MED1: variants seen among roughly 807,000 people sequenced by gnomAD.
MED1 encodes mediator complex subunit 1, also known as mediator of RNA polymerase II transcription subunit 1.
MED1 carries 17 observed loss-of-function variants against 121.3 expected under a neutral mutation model. That is an observed-to-expected ratio of 0.14 (90% confidence interval 0.10 to 0.21). The LOEUF (loss-of-function observed/expected upper bound fraction) is 0.21. Among genes scored for constraint, MED1 ranks in the 10% least tolerant of loss-of-function variants. MED1 has a pLI of 1.00. For synonymous variants in MED1, 661 were observed against 694.4 expected, an observed-to-expected ratio of 0.95 and a Z score of 0.76; for missense variants, 1,558 against 1,919.4, an observed-to-expected ratio of 0.81 and a Z score of 3.52.
In MED1 at chr17:39,405,464, T is replaced by C. The variant is rs1405306783; in HGVS notation, c.*2011A>G. On this transcript the variant is annotated 3_prime_UTR_variant, in exon 17 of 17. Coordinates refer to ENST00000300651, the MANE Select transcript of MED1 (RefSeq NM_004774.4). ...AAATTTTAAAAACCACATAAATTTT[T>C]TTTTTTTTCCTGCAGAAACCAACGG... The C allele has an allele frequency of 7.1e-7, 1 of 1,400,458 alleles. No homozygotes were observed. Among genetic ancestry groups the C allele is most frequent in the Non-Finnish European group, 9.3e-7 (1 of 1,076,522 alleles). 86.8% of individuals were successfully genotyped at this position (1,400,458 alleles called of 1,614,324 possible).
chr17:39,441,695 G>T (rs1325000870), intron 3 of MED1, among the ~76,000 whole-genome samples: 4 of 152,146 alleles, frequency 2.6e-5, no homozygotes, highest in South Asian at 4.1e-4. Context: ...TCTTGAACCC[G>T]GTGGGGGCGC....
At chr17:39,437,289 G>A (rs2048629228) in intron 6 of MED1, among the ~76,000 whole-genome samples, 1 of 152,112 alleles carries the variant, frequency 6.6e-6, no homozygotes, top group African/African-American at 2.4e-5. Flanking sequence ...GGCTGGCTAG[G>A]CTGGTCTTGA....
chr17:39,434,011 T>C (rs1049680556), intron 7 of MED1, among the ~76,000 whole-genome samples: 1 of 152,188 alleles, frequency 6.6e-6, no homozygotes, highest in Non-Finnish European at 1.5e-5. Context: ...GAAATTGGAA[T>C]GTTGGACATC....
chr17:39,439,267 T>G (rs2048649664), intron 5 of MED1, 74 bp from the exon 6 acceptor site: 2 of 1,158,742 alleles, frequency 1.7e-6, no homozygotes, highest in South Asian at 1.4e-5. Context: ...AGCCTTTCTC[T>G]TTTTCTATAG....
intron 3 of MED1, among the ~76,000 whole-genome samples, chr17:39,442,643 G>A (rs796662681): frequency 3.2e-4 from 46 of 145,850 alleles, no homozygotes; most frequent in African/African-American, 1.1e-3. Flanking sequence ...GCTGTGGCTC[G>A]CGCCTGTGAT....
intron 13 of MED1, 78 bp from the exon 14 acceptor site, chr17:39,419,996 A>G: frequency 3.8e-6 from 5 of 1,326,664 alleles, no homozygotes; most frequent in Non-Finnish European, 4.2e-6. Flanking sequence ...GAAAAAACCT[A>G]CTACTCAAAA....
chr17:39,422,482 T>G (rs1567644558), intron 13 of MED1, among the ~76,000 whole-genome samples: 4 of 145,020 alleles, frequency 2.8e-5, no homozygotes. Flanking sequence ...TTTTTTTTTT[T>G]TTTTTTTTTT....
Position 39,404,904 on chromosome 17 carries a change from C to A in MED1, c.*2571G>T, listed in dbSNP as rs899166647. ...CCGCTAAAATACTTCTGTTTTAAGA[C>A]ACATTGATATTGAACCTGAAATCTT... On this transcript the variant is annotated 3_prime_UTR_variant, in exon 17 of 17. Coordinates refer to ENST00000300651, the MANE Select transcript of MED1 (RefSeq NM_004774.4). 4 of 130,832 alleles carry A rather than the reference C, an allele frequency of 3.1e-5. No individual in the cohort carries two copies. Among genetic ancestry groups the A allele is most frequent in the Non-Finnish European group, 4.7e-5 (3 of 64,490 alleles). 8.1% of individuals were successfully genotyped at this position (130,832 alleles called of 1,614,324 possible).
intron 9 of MED1, 120 bp from the exon 10 acceptor site, chr17:39,427,910 A>G: frequency 1.6e-6 from 1 of 637,248 alleles, no homozygotes; most frequent in Non-Finnish European, 2.6e-6. Flanking sequence ...ATGAAGAGTC[A>G]TGCTCCAAAA....
Position 39,440,639 on chromosome 17 carries a change from T to A in MED1, c.250A>T (p.Ile84Leu). The change falls in exon 4 of 17, where the codon ATA becomes TTA. Residue 84 changes from isoleucine to leucine, a missense_variant. Physicochemically the swap from Ile to Leu is conservative, Grantham distance 5 (BLOSUM62 2). Around this residue, in one of 5 missense-constraint regions of MED1, gnomAD observed 443 missense variants for 532.4 expected, o/e 0.83. Transcript: ENST00000300651. The surrounding 1 kb of genome is among the most constrained non-coding windows in gnomAD (Gnocchi z 4.1). ...LPAMTDRLESIARQNGLGSHL... is the reference protein window; with the variant it reads ...LPAMTDRLESLARQNGLGSHL... ...ACTACTTACCCATTCTGTCTTGCTA[T>A]GGACTCCAAACGATCAGTCATTGCT... 1.2e-6 allele frequency: 2 copies of A among 1,613,722 alleles called. No homozygotes were observed. The highest frequency in any genetic ancestry group is 1.7e-6 in the Non-Finnish European group (2 of 1,179,776).
intron 16 of MED1, 87 bp downstream of exon 16, chr17:39,414,939 A>T: frequency 2.6e-6 from 3 of 1,166,588 alleles, no homozygotes; most frequent in South Asian, 1.2e-5. Context: ...AAGTGTGGGG[A>T]TTACAGGCGT....
Position 39,408,785 on chromosome 17 carries a change from A to T in MED1, c.3436T>A (p.Ser1146Thr), listed in dbSNP as rs745975167. The change falls in exon 17 of 17, where the codon TCA becomes ACA. Residue 1146 changes from serine to threonine, a missense_variant. This residue lies in a region of MED1 where 793 missense variants were observed against 898.2 expected (regional missense o/e 0.88). Transcript: ENST00000300651. The surrounding 1 kb of genome is among the most constrained non-coding windows in gnomAD (Gnocchi z 4.7). ...GSSGSSQSKN[S>T]SQSGGKPGSS... Reference sequence around the variant, plus strand: ...CCTGGCTTCCCCCCAGACTGGGATGAATTTTTGGACTGGCTAGATCCAGAA... The same window carrying T: ...CCTGGCTTCCCCCCAGACTGGGATGTATTTTTGGACTGGCTAGATCCAGAA... The T allele has an allele frequency of 3.1e-6, 5 of 1,614,034 alleles. No individual in the cohort carries two copies. The South Asian group carries it at 5.5e-5, about 18-fold the overall frequency.
chr17:39,406,200 T>C lies in MED1; in HGVS notation c.*1275A>G, dbSNP rs973886669. ...TTGGGTTGCTACATAGTAGCAAGGG[T>C]TTATCTTCATGCTCACCTAGCATTC... On this transcript the variant is annotated 3_prime_UTR_variant, in exon 17 of 17. Transcript: ENST00000300651. 2 of 985,400 alleles carry C rather than the reference T, an allele frequency of 2.0e-6. No homozygotes were observed. Among genetic ancestry groups the C allele is most frequent in the African/African-American group, 1.7e-5 (1 of 57,210 alleles). The allele number at this position is 985,400 out of a possible 1,614,324, so 61.0% of individuals were successfully genotyped here. A position where few individuals can be genotyped will look rare whatever the true frequency, so the allele number is the denominator to read the frequency against.
chr17:39,442,599 A>AC (rs2048688695), intron 3 of MED1, among the ~76,000 whole-genome samples: 1 of 24,796 alleles, frequency 4.0e-5, no homozygotes, highest in Non-Finnish European at 2.1e-4. Context: ...ACCGTCTCGG[A>AC]AAAAAAAAAA....
chr17:39,411,765 C>T (rs1452893296), intron 16 of MED1, among the ~76,000 whole-genome samples: 1 of 151,554 alleles, frequency 6.6e-6, no homozygotes, highest in Non-Finnish European at 1.5e-5. Context: ...TTTGGGAGGC[C>T]GAGGCGGGTG....
Position 39,443,498 on chromosome 17 carries a change from T to A in MED1, c.211+52A>T, listed in dbSNP as rs936562090. The A allele has an allele frequency of 1.5e-4, 228 of 1,509,950 alleles. 1 individual carries two copies. The highest frequency in any genetic ancestry group is 1.7e-4 in the Middle Eastern group (1 of 5,862). 93.5% of individuals were successfully genotyped at this position (1,509,950 alleles called of 1,614,324 possible). ...TCTAGTTTAAGTATAAAATGGTCCT[T>A]CTTGAACTGGGGGTTTTGTGAAATC... On this transcript the variant is annotated intron_variant, in intron 3 of 16. Transcript: ENST00000300651.
At chr17:39,437,647 A>C (rs540639385) in intron 6 of MED1, among the ~76,000 whole-genome samples, 2 of 152,274 alleles carry the variant, frequency 1.3e-5, no homozygotes, top group South Asian at 4.1e-4. Flanking sequence ...AACTTAAAAA[A>C]ACAGGGGCCG....
rs71147330 is a variant in MED1, at chr17:39,420,791, AT to A, written c.1096-874del. 4.4e-3 allele frequency among the ~76,000 whole-genome samples: 482 copies of A among 109,910 alleles called. 2 individuals carry two copies. Among genetic ancestry groups the A allele is most frequent in the African/African-American group, 0.015 (412 of 27,964 alleles). The allele number at this position is 109,910 out of a possible 152,430, so 72.1% of individuals were successfully genotyped here. On this transcript the variant is annotated intron_variant, in intron 13 of 16. Coordinates refer to ENST00000300651, the MANE Select transcript of MED1 (RefSeq NM_004774.4). Reference sequence around the variant, plus strand: ...CAGGCATGAACAACCACATGTGCCTATTTTTTTTTTTTTTTTTTTTTGAGAC... The same window carrying A: ...CAGGCATGAACAACCACATGTGCCTATTTTTTTTTTTTTTTTTTTTGAGAC...
Position 39,410,371 on chromosome 17 carries a change from G to T in MED1, c.1850C>A (p.Thr617Asn). Reference protein sequence around the residue: ...LLQITGNGGSTIGSSPTPPHH... With the variant: ...LLQITGNGGSNIGSSPTPPHH... Reference sequence around the variant, plus strand: ...AGGAGGGGTCGGACTCGAGCCAATGGTAGACCCCCCGTTCCCTGTGATTTG... The same window carrying T: ...AGGAGGGGTCGGACTCGAGCCAATGTTAGACCCCCCGTTCCCTGTGATTTG... Residue 617 changes from threonine (T) to asparagine (N), a missense_variant, in exon 17 of 17, where the codon ACC becomes AAC. This residue lies in a region of MED1 where 793 missense variants were observed against 898.2 expected (regional missense o/e 0.88). Transcript: ENST00000300651. The T allele has an allele frequency of 1.2e-6, 2 of 1,614,052 alleles. No individual in the cohort carries two copies. The highest frequency in any genetic ancestry group is 2.2e-5 in the South Asian group (2 of 91,064).
Sources: allele counts gnomAD v4.1 joint callset (sites outside exome capture counted in the v4.1 genomes callset), GRCh38; gene constraint gnomAD v4.1.1; regional missense constraint gnomAD v4.1.1; non-coding constraint Gnocchi (gnomAD v3.1); transcripts MANE v1.5; gene names NCBI Gene and HGNC (gene_info 2026-07-23, HGNC 2026-07-21).